The following TTC39B variants were observed in gnomAD, a reference collection of about 807,000 sequenced individuals.
The protein encoded by TTC39B is tetratricopeptide repeat domain 39B, also known as tetratricopeptide repeat protein 39B.
In TTC39B, 92 loss-of-function variants were observed where a neutral mutation model predicts 96.6. The observed-to-expected ratio is 0.95, with a 90% confidence interval of 0.80 to 1.13. The LOEUF (loss-of-function observed/expected upper bound fraction) is 1.13, where lower values mean the gene tolerates loss of function less well. Ranked by LOEUF, TTC39B falls within the 50% of genes most tolerant of loss-of-function variation. TTC39B has a pLI of 0.00. For synonymous variants in TTC39B, 367 were observed against 299.4 expected (o/e 1.23, Z -2.33); for missense variants, 955 against 809.3 (o/e 1.18, Z -2.18).
At chr9:15,225,014 T>C (rs1022549273) in intron 3 of TTC39B, among the ~76,000 whole-genome samples, 1 of 152,154 alleles carries the variant, frequency 6.6e-6, no homozygotes, top group African/African-American at 2.4e-5. Context: ...AATAAACCTC[T>C]AAGGATGGAT....
chr9:15,286,747 G>A (rs572930756), intron 1 of TTC39B, among the ~76,000 whole-genome samples: 1 of 152,192 alleles, frequency 6.6e-6, no homozygotes, highest in East Asian at 1.9e-4. Context: ...ATCTGTCTCT[G>A]GCATTCTACT....
chr9:15,232,933 C>A (rs1165199698), intron 2 of TTC39B, among the ~76,000 whole-genome samples: 1 of 152,116 alleles, frequency 6.6e-6, no homozygotes, highest in Non-Finnish European at 1.5e-5. Flanking sequence ...CGCTCAGGCA[C>A]GGTTCGAACA....
At chr9:15,202,784 G>A (rs1338484462) in intron 7 of TTC39B, among the ~76,000 whole-genome samples, 1 of 151,066 alleles carries the variant, frequency 6.6e-6, no homozygotes, top group African/African-American at 2.4e-5. Flanking sequence ...TTTCACAGCT[G>A]AATTTCTTTC....
chr9:15,253,481 T>G (rs1351663997), intron 2 of TTC39B, among the ~76,000 whole-genome samples: 2 of 152,254 alleles, frequency 1.3e-5, no homozygotes, highest in Non-Finnish European at 2.9e-5. Flanking sequence ...ATGGGACACC[T>G]TGGTTTTGAC....
intron 2 of TTC39B, among the ~76,000 whole-genome samples, chr9:15,227,338 A>G (rs1821179780): frequency 6.6e-6 from 1 of 152,064 alleles, no homozygotes; most frequent in Non-Finnish European, 1.5e-5. Flanking sequence ...AGTGTCCTCA[A>G]TTAAGTGGAG....
intron 1 of TTC39B, among the ~76,000 whole-genome samples, chr9:15,282,355 C>A (rs1041800811): frequency 1.3e-5 from 2 of 152,158 alleles, no homozygotes; most frequent in African/African-American, 4.8e-5. Flanking sequence ...GAAATGACTG[C>A]AGAGGGATAG....
In TTC39B at chr9:15,289,964, C is replaced by G. The variant is rs182299769; in HGVS notation, c.240+17120G>C. Among the ~76,000 whole-genome samples the G allele has an allele frequency of 1.6e-3, 246 of 152,220 alleles. 1 individual carries two copies. Among genetic ancestry groups the G allele is most frequent in the African/African-American group, 5.0e-3 (206 of 41,532 alleles). ...ATGATGTCCAGTGTGAGAGCCAAAG[C>G]CAAACACTGACCCAAAAGCACCCGT... On this transcript the variant is annotated intron_variant, in intron 1 of 19. Transcript: ENST00000512701.
At position 15,203,815 on chromosome 9, in the gene TTC39B, T is replaced by C. The variant is rs761729651; in HGVS notation, c.759+8A>G. ...GCCAATACGAATTCCAAGCCAAATATTCATTACCTGCACAAACGTGAGTGC... is the reference window on the plus strand; with the variant it reads ...GCCAATACGAATTCCAAGCCAAATACTCATTACCTGCACAAACGTGAGTGC... On this transcript the variant is annotated splice_region_variant and intron_variant, in intron 7 of 19. Transcript: ENST00000512701. The C allele has an allele frequency of 8.7e-6, 14 of 1,610,268 alleles. No individual in the cohort carries two copies. In the Middle Eastern group the frequency reaches 4.9e-4, roughly 57 times the overall value.
At chr9:15,244,176 A>G (rs1822170378) in intron 2 of TTC39B, among the ~76,000 whole-genome samples, 1 of 152,248 alleles carries the variant, frequency 6.6e-6, no homozygotes, top group Admixed American at 6.5e-5. Flanking sequence ...TCATTTTGCT[A>G]GTTTTCTTTG....
intron 1 of TTC39B, among the ~76,000 whole-genome samples, chr9:15,275,265 T>C (rs1823497760): frequency 1.3e-5 from 2 of 152,196 alleles, no homozygotes; most frequent in Non-Finnish European, 2.9e-5. Context: ...GGTCTTGAAC[T>C]CCTGACCTCA....
chr9:15,205,045 G>A (rs1368377404), intron 6 of TTC39B, among the ~76,000 whole-genome samples: 2 of 152,218 alleles, frequency 1.3e-5, no homozygotes, highest in South Asian at 2.1e-4. Context: ...AGCCTGAGCT[G>A]CTAAAAAGGC....
chr9:15,197,248 T>C (rs889833475), intron 8 of TTC39B, among the ~76,000 whole-genome samples: 1 of 152,184 alleles, frequency 6.6e-6, no homozygotes, highest in Non-Finnish European at 1.5e-5. Context: ...TACAGTCCTA[T>C]TTTAATCCTT....
chr9:15,235,665 C>A (rs146962331), intron 2 of TTC39B, among the ~76,000 whole-genome samples: 1 of 152,142 alleles, frequency 6.6e-6, no homozygotes, highest in East Asian at 1.9e-4. Context: ...TTTTTAGCAT[C>A]CTTAAAGAAA....
At chr9:15,274,063 A>G (rs1406193916) in intron 1 of TTC39B, among the ~76,000 whole-genome samples, 1 of 152,240 alleles carries the variant, frequency 6.6e-6, no homozygotes, top group Admixed American at 6.5e-5. Flanking sequence ...TTCTCTCATA[A>G]AGAGAAACAG....
intron 1 of TTC39B, 128 bp from the exon 2 acceptor site, chr9:15,268,076 G>A (rs766568406): frequency 5.8e-6 from 4 of 692,054 alleles, no homozygotes; most frequent in Non-Finnish European, 9.6e-6. Context: ...GCAGGCAGTA[G>A]AATCAATCAA....
chr9:15,207,054 T>C (rs1415203240), intron 6 of TTC39B, among the ~76,000 whole-genome samples: 2 of 152,212 alleles, frequency 1.3e-5, no homozygotes, highest in African/African-American at 4.8e-5. Flanking sequence ...TCCTGCCACC[T>C]TGTGAAGAAG....
At chr9:15,289,894 T>C (rs926785753) in intron 1 of TTC39B, among the ~76,000 whole-genome samples, 1 of 152,046 alleles carries the variant, frequency 6.6e-6, no homozygotes, top group Non-Finnish European at 1.5e-5. Flanking sequence ...TGGAACAAAT[T>C]ATTCATGTGG....
At chr9:15,198,499 A>C (rs1266847015) in intron 8 of TTC39B, among the ~76,000 whole-genome samples, 2 of 149,754 alleles carry the variant, frequency 1.3e-5, no homozygotes, top group Admixed American at 1.3e-4. Context: ...ATAAAGGGCA[A>C]AATGTGGTAA....
At chr9:15,239,640 C>G (rs1184081358) in intron 2 of TTC39B, among the ~76,000 whole-genome samples, 2 of 152,146 alleles carry the variant, frequency 1.3e-5, no homozygotes, top group African/African-American at 4.8e-5. Flanking sequence ...AGCCATTATC[C>G]TAGATGAAAT....
Sources: allele counts gnomAD v4.1 joint callset (sites outside exome capture counted in the v4.1 genomes callset), GRCh38; gene constraint gnomAD v4.1.1; transcripts MANE v1.5; gene names NCBI Gene and HGNC (gene_info 2026-07-23, HGNC 2026-07-21).